DLEC1: variants seen among roughly 807,000 people sequenced by gnomAD.
The protein encoded by DLEC1 is deleted in lung and esophageal cancer protein 1.
In DLEC1, 146 loss-of-function variants were observed where a neutral mutation model predicts 198.1. The ratio of observed to expected loss-of-function variants is 0.74; its 90% CI spans 0.64 to 0.85. The LOEUF (loss-of-function observed/expected upper bound fraction) is 0.85. Among genes scored for constraint, DLEC1 ranks in the 40% least tolerant of loss-of-function variants. DLEC1 has a pLI of 0.00. For synonymous variants in DLEC1, 897 were observed against 866.8 expected (o/e 1.03, Z -0.61); for missense variants, 2,233 against 2,220.0 (o/e 1.01, Z -0.12).
intron 18 of DLEC1, among the ~76,000 whole-genome samples, chr3:38,099,451 T>TTTTGAG (rs1699193960): frequency 6.6e-6 from 1 of 152,226 alleles, no homozygotes; most frequent in Non-Finnish European, 1.5e-5. Context: ...TCTACAGTTC[T>TTTTGAG]CTGCACTCTA....
chr3:38,116,360 G>C, intron 27 of DLEC1, 93 bp from the exon 28 acceptor site: 1 of 1,242,626 alleles, frequency 8.0e-7, no homozygotes. Context: ...GGGAGAATAG[G>C]TCATCTCTGT....
chr3:38,080,095 A>G (rs1459937682), intron 6 of DLEC1, among the ~76,000 whole-genome samples: 3 of 152,206 alleles, frequency 2.0e-5, no homozygotes, highest in Admixed American at 6.5e-5. Flanking sequence ...ATTTGATGAA[A>G]AAGCCTAAAT....
At chr3:38,083,529 C>T (rs1215509802) in intron 6 of DLEC1, among the ~76,000 whole-genome samples, 1 of 152,170 alleles carries the variant, frequency 6.6e-6, no homozygotes, top group Admixed American at 6.5e-5. Flanking sequence ...CAGCCATTTA[C>T]ACTTCTTTTG....
rs1700551028 is a variant in DLEC1 at position 38,039,499 on chromosome 3, A to G, written c.274A>G (p.Ile92Val). Residue 92 changes from isoleucine (I) to valine (V), a missense_variant, in exon 1 of 37, where the codon ATC (isoleucine) becomes GTC (valine). Transcript: ENST00000308059. ...LRPSSLRTQDISHLLTGVFRN... is the reference protein window; with the variant it reads ...LRPSSLRTQDVSHLLTGVFRN... ...CCCCTCCTCGCTGCGCACCCAAGAT[A>G]TCTCGCACTTGCTCACCGGCGTCTT... The G allele has an allele frequency of 6.2e-7, 1 of 1,614,050 alleles. No individual in the cohort carries two copies. The highest frequency in any genetic ancestry group is 8.5e-7 in the Non-Finnish European group (1 of 1,179,906).
At chr3:38,060,975 G>T (rs7613254) in intron 3 of DLEC1, among the ~76,000 whole-genome samples, 18,576 of 151,966 alleles carry the variant, frequency 0.12, 1,568 homozygotes, top group African/African-American at 0.23. Flanking sequence ...ATGAGCCACC[G>T]CACCCGGCCA....
intron 6 of DLEC1, among the ~76,000 whole-genome samples, chr3:38,082,568 G>A (rs1698107444): frequency 1.3e-5 from 2 of 152,156 alleles, no homozygotes; most frequent in African/African-American, 4.8e-5. Context: ...ATAAGAGGTT[G>A]GGGTGTGGAA....
At chr3:38,100,129 T>C (rs1575202114) in intron 18 of DLEC1, among the ~76,000 whole-genome samples, 157 bp from the exon 19 acceptor site, 1 of 152,248 alleles carries the variant, frequency 6.6e-6, no homozygotes, top group Admixed American at 6.5e-5. Flanking sequence ...CTTGTGGCTG[T>C]GGTCCCCCAC....
chr3:38,087,180 G>T (rs181195311), intron 9 of DLEC1, among the ~76,000 whole-genome samples: 1 of 152,304 alleles, frequency 6.6e-6, no homozygotes, highest in African/African-American at 2.4e-5. Flanking sequence ...GAGCCTGTTG[G>T]CCAGGGCTGG....
At chr3:38,077,243 G>T (rs1213020263) in intron 6 of DLEC1, among the ~76,000 whole-genome samples, 3 of 152,164 alleles carry the variant, frequency 2.0e-5, no homozygotes, top group Non-Finnish European at 2.9e-5. Flanking sequence ...ACAAGAGCAG[G>T]GCATGTATGA....
chr3:38,122,767 C>G lies in DLEC1; in HGVS notation c.*355C>G. ...TTGCACTTCTCATCCATGGATTTGC[C>G]TTGCCTTAAGAATTAACCATGGCCT... On this transcript the variant is annotated 3_prime_UTR_variant, in exon 37 of 37. Coordinates refer to ENST00000308059, the MANE Select transcript of DLEC1 (RefSeq NM_007335.4). The G allele has an allele frequency of 8.1e-7, 1 of 1,235,698 alleles. No homozygotes were observed. Among genetic ancestry groups the G allele is most frequent in the East Asian group, 2.7e-5 (1 of 36,892 alleles). 76.5% of individuals were successfully genotyped at this position (1,235,698 alleles called of 1,614,324 possible).
chr3:38,121,953 G>A, intron 35 of DLEC1, 118 bp from the exon 36 acceptor site: 1 of 1,525,748 alleles, frequency 6.6e-7, no homozygotes, highest in South Asian at 1.3e-5. Flanking sequence ...TCTCAGGGTT[G>A]CCCTGCCCTG....
chr3:38,092,872 T>TGACC lies in DLEC1; in HGVS notation c.1749_1752dup (p.Ile585AspfsTer18). The TGACC allele has an allele frequency of 6.2e-7, 1 of 1,614,144 alleles. No homozygotes were observed. The highest frequency in any genetic ancestry group is 1.3e-5 in the African/African-American group (1 of 75,038). On this transcript the variant is annotated frameshift_variant, in exon 11 of 37. Coordinates refer to ENST00000308059, the MANE Select transcript of DLEC1 (RefSeq NM_007335.4). LOFTEE classifies it high-confidence loss of function. ...GACAACTGCCAGATAAAGGAGCTGG[T>TGACC]GACCATAGGTGGGCTTGAGTGTACT...
At chr3:38,051,662 G>T in intron 2 of DLEC1, 1 of 222,018 alleles carries the variant, frequency 4.5e-6, no homozygotes, top group South Asian at 8.9e-5. Context: ...GAGAATAAAA[G>T]CCGCCCTCAT....
intron 31 of DLEC1, 111 bp downstream of exon 31, chr3:38,117,413 G>A (rs1252414198): frequency 6.3e-7 from 1 of 1,597,712 alleles, no homozygotes; most frequent in South Asian, 1.1e-5. Context: ...CATGGGTGGA[G>A]AAGTCAGCAG....
At chr3:38,045,737 G>A (rs775876117) in intron 2 of DLEC1, 44 bp downstream of exon 2, 2 of 1,558,950 alleles carry the variant, frequency 1.3e-6, no homozygotes, top group African/African-American at 1.4e-5. Context: ...TTCCCGGGCT[G>A]TTGATATTTC....
intron 9 of DLEC1, among the ~76,000 whole-genome samples, chr3:38,086,916 A>C (rs1460075762): frequency 6.6e-6 from 1 of 152,042 alleles, no homozygotes; most frequent in East Asian, 1.9e-4. Flanking sequence ...CTCTACTAAA[A>C]ATAAAAAATT....
intron 9 of DLEC1, 128 bp downstream of exon 9, chr3:38,086,505 T>C: frequency 7.8e-7 from 1 of 1,276,282 alleles, no homozygotes; most frequent in Non-Finnish European, 1.1e-6. Context: ...AAACTCTCTA[T>C]GCAACTGCCA....
chr3:38,115,174 G>A (rs1700090352), intron 27 of DLEC1, 121 bp downstream of exon 27: 2 of 1,069,318 alleles, frequency 1.9e-6, no homozygotes, highest in African/African-American at 1.6e-5. Context: ...GGTGTCCAGG[G>A]GGCCTGTGGT....
chr3:38,103,193 A>G (rs1699393907), intron 19 of DLEC1: 1 of 152,140 alleles, frequency 6.6e-6, no homozygotes, highest in South Asian at 2.1e-4. Flanking sequence ...CTCTATGTCC[A>G]TATGTACACG....
Sources: gnomAD v4.1 joint callset for allele counts (sites outside exome capture counted in the v4.1 genomes callset) on GRCh38, gnomAD v4.1.1 for gene constraint, MANE v1.5 for transcripts, NCBI Gene and HGNC (gene_info 2026-07-23, HGNC 2026-07-21) for gene names.